The following AK9 variants were observed in gnomAD, a reference collection of about 807,000 sequenced individuals.
AK9 encodes the protein adenylate kinase domain containing 1.
A neutral mutation model predicts 239.6 loss-of-function variants in AK9; 191 were observed. That is an observed-to-expected ratio of 0.80 (90% CI 0.71 to 0.90). The LOEUF (loss-of-function observed/expected upper bound fraction) is 0.90. Among genes scored for constraint, AK9 ranks in the 40% least tolerant of loss-of-function variants. AK9 has a pLI of 0.00. For synonymous variants in AK9, 689 were observed against 721.0 expected, an observed-to-expected ratio of 0.96 and a Z score of 0.71; for missense variants, 1,995 against 2,214.7, an observed-to-expected ratio of 0.90 and a Z score of 1.99.
intron 15 of AK9, among the ~76,000 whole-genome samples, chr6:109,613,873 G>A (rs1366438506): frequency 4.6e-5 from 7 of 151,990 alleles, no homozygotes; most frequent in African/African-American, 1.7e-4. Flanking sequence ...ATTCCAATAC[G>A]TTAAAGTAGA....
chr6:109,505,154 T>C (rs1777985437), intron 35 of AK9, among the ~76,000 whole-genome samples: 1 of 152,220 alleles, frequency 6.6e-6, no homozygotes, highest in South Asian at 2.1e-4. Flanking sequence ...GAACCAGAAA[T>C]ACTGGTTATG....
Position 109,546,145 on chromosome 6 carries a change from TCAGGGA to T in AK9, c.2965-24_2965-19del. The T allele has an allele frequency of 1.5e-6, 1 of 689,132 alleles. No individual in the cohort carries two copies. The highest frequency in any genetic ancestry group is 2.4e-6 in the Non-Finnish European group (1 of 421,080). 42.7% of individuals were successfully genotyped at this position (689,132 alleles called of 1,614,324 possible). A position where few individuals can be genotyped will look rare whatever the true frequency, so the allele number is the denominator to read the frequency against. On this transcript the variant is annotated intron_variant, in intron 25 of 40. Coordinates refer to ENST00000424296, the MANE Select transcript of AK9 (RefSeq NM_001145128.3). ...GGAGGAGCCTGTCACAGGGGGTGGG[TCAGGGA>T]GGGGTGGGATAAAGGGAGAGTGAAG... is the stretch of plus-strand genomic sequence containing the variant.
Position 109,630,603 on chromosome 6 carries a change from AG to A in AK9, c.1254+2319del, listed in dbSNP as rs573176071. Among the ~76,000 whole-genome samples the A allele has an allele frequency of 2.9e-3, 439 of 152,280 alleles. 2 individuals carry two copies. Among genetic ancestry groups the A allele is most frequent in the African/African-American group, 0.01 (426 of 41,562 alleles). ...ACACTTGTAATCCCAGTGCTTTGGG[AG>A]GCTGAGGCAGGAGGATCATTTGAGG... On this transcript the variant is annotated intron_variant, in intron 12 of 40. Coordinates refer to ENST00000424296, the MANE Select transcript of AK9 (RefSeq NM_001145128.3).
chr6:109,605,243 C>T (rs1028269986), intron 17 of AK9, among the ~76,000 whole-genome samples: 1 of 152,064 alleles, frequency 6.6e-6, no homozygotes, highest in Admixed American at 6.5e-5. Flanking sequence ...TGAGAACAGT[C>T]TGGGCAACAT....
intron 32 of AK9, among the ~76,000 whole-genome samples, chr6:109,513,728 G>T (rs1778981929): frequency 6.6e-6 from 1 of 152,142 alleles, no homozygotes. Context: ...AAGTCACATA[G>T]CAGTAGTTAC....
At chr6:109,631,588 G>C (rs1208839711) in intron 12 of AK9, 1 of 152,132 alleles carries the variant, frequency 6.6e-6, no homozygotes, top group Non-Finnish European at 1.5e-5. Flanking sequence ...ATAGTATTGT[G>C]AAATAATGGA....
rs557408893 is a variant in AK9, at chr6:109,541,937, A to G, written c.3350+110T>C. 1.7e-4 allele frequency: 167 copies of G among 977,676 alleles called. 2 individuals are homozygous for G. In the South Asian group the frequency reaches 3.2e-3, roughly 19 times the overall value. 60.6% of individuals were successfully genotyped at this position (977,676 alleles called of 1,614,324 possible). ...CTCAAGTGAAAAATCACCAGCTTAC[A>G]TGAATATAAAGGAGAAAGTTCTTAA... On this transcript the variant is annotated intron_variant, in intron 27 of 40. Transcript: ENST00000424296.
At position 109,632,193 on chromosome 6, in the gene AK9, T is replaced by A. The variant is rs941559356; in HGVS notation, c.1254+730A>T. The A allele has an allele frequency of 3.0e-6, 3 of 985,302 alleles. No homozygotes were observed. The African/African-American group carries it at 5.2e-5, about 17-fold the overall frequency. 61.0% of individuals were successfully genotyped at this position (985,302 alleles called of 1,614,324 possible). On this transcript the variant is annotated intron_variant, in intron 12 of 40. Coordinates refer to ENST00000424296, the MANE Select transcript of AK9 (RefSeq NM_001145128.3). ...TCACAATGAAAAAGTTAAAAGCAAA[T>A]AGAAAATGATACTCCGGCGCTTAAA... is the stretch of plus-strand genomic sequence containing the variant.
chr6:109,559,199 C>T (rs183389790), intron 24 of AK9, among the ~76,000 whole-genome samples: 4 of 147,126 alleles, frequency 2.7e-5, no homozygotes, highest in African/African-American at 7.5e-5. Context: ...GATGGGGTCT[C>T]TCTCTGTCGC....
chr6:109,567,099 T>C (rs1158174836), intron 21 of AK9, among the ~76,000 whole-genome samples: 1 of 151,564 alleles, frequency 6.6e-6, no homozygotes, highest in Non-Finnish European at 1.5e-5. Flanking sequence ...CTGAAGGAGA[T>C]AGAGACATAA....
intron 17 of AK9, among the ~76,000 whole-genome samples, chr6:109,608,393 CA>C (rs1190208162): frequency 6.6e-6 from 1 of 151,416 alleles, no homozygotes; most frequent in Non-Finnish European, 1.5e-5. Flanking sequence ...CATATATGGC[CA>C]CTTGATATAT....
rs372946740 is a variant in AK9 at position 109,546,116 on chromosome 6, T to C, written c.2976A>G (p.Leu992=). 7 of 1,500,170 alleles carry C rather than the reference T, an allele frequency of 4.7e-6. No individual in the cohort carries two copies. The South Asian group carries it at 5.7e-5, about 12-fold the overall frequency. 92.9% of individuals were successfully genotyped at this position (1,500,170 alleles called of 1,614,324 possible). ...AHEEPLKAPP[L]RICLVGPQGS... is the part of the protein sequence containing the mutation. ...CCTGGGGGCCGACAAGGCATATTCTTAATGGAGGAGCCTGTCACAGGGGGT... is the reference window on the plus strand; with the variant it reads ...CCTGGGGGCCGACAAGGCATATTCTCAATGGAGGAGCCTGTCACAGGGGGT... Residue 992 remains leucine (L), a synonymous_variant, in exon 26 of 41, where the codon TTA becomes TTG. Coordinates refer to ENST00000424296, the MANE Select transcript of AK9 (RefSeq NM_001145128.3).
At chr6:109,614,664 G>A (rs1440029686) in intron 13 of AK9, among the ~76,000 whole-genome samples, 184 bp from the exon 14 acceptor site, 2 of 152,164 alleles carry the variant, frequency 1.3e-5, no homozygotes, top group Non-Finnish European at 2.9e-5. Flanking sequence ...TAGGCAAAAT[G>A]AGGATCTTTA....
Position 109,683,674 on chromosome 6 carries a change from T to A in AK9, c.-12+7473A>T, listed in dbSNP as rs912697128. Among the ~76,000 whole-genome samples, 4 of 152,270 alleles carry A rather than the reference T, an allele frequency of 2.6e-5. 1 individual carries two copies. The East Asian group carries it at 7.7e-4, about 29-fold the overall frequency. On this transcript the variant is annotated intron_variant, in intron 1 of 40. Transcript: ENST00000424296. Reference sequence around the variant, plus strand: ...ATTGCTACAAAGAGAATAAAATACCTAGGAATACAACTTACAAGAAATGTG... The same window carrying A: ...ATTGCTACAAAGAGAATAAAATACCAAGGAATACAACTTACAAGAAATGTG...
At chr6:109,691,122 G>A in intron 1 of AK9, 25 bp downstream of exon 1, 3 of 507,510 alleles carry the variant, frequency 5.9e-6, no homozygotes, top group South Asian at 2.6e-5. Flanking sequence ...CTTTTTCTCC[G>A]CCCATGTTTT....
At position 109,619,088 on chromosome 6, in the gene AK9, T is replaced by C; in HGVS notation, c.1399+4A>G. On this transcript the variant is annotated splice_donor_region_variant and intron_variant, in intron 13 of 40. Coordinates refer to ENST00000424296, the MANE Select transcript of AK9 (RefSeq NM_001145128.3). The stretch of plus-strand genomic sequence containing the variant: ...AAAACACACATTTTAAAAAGATGTT[T>C]CACCTTGTTTTCTAGCTTGCAGTTC... The C allele has an allele frequency of 6.5e-7, 1 of 1,531,472 alleles. No homozygotes were observed. Among genetic ancestry groups the C allele is most frequent in the African/African-American group, 1.4e-5 (1 of 71,554 alleles). 94.9% of individuals were successfully genotyped at this position (1,531,472 alleles called of 1,614,324 possible).
intron 35 of AK9, among the ~76,000 whole-genome samples, chr6:109,500,073 A>ACACACACACACACACAC (rs1777457775): frequency 6.7e-6 from 1 of 149,776 alleles, no homozygotes; most frequent in East Asian, 1.9e-4. Context: ...ACACACACAC[A>ACACACACACACACACAC]ATTTATACCT....
intron 9 of AK9, among the ~76,000 whole-genome samples, chr6:109,644,246 T>C (rs949469330): frequency 1.3e-5 from 2 of 152,238 alleles, no homozygotes; most frequent in East Asian, 3.8e-4. Context: ...TTATTATTTG[T>C]TTTATGTTTG....
At chr6:109,644,463 A>C (rs1797794515) in intron 9 of AK9, 151 bp downstream of exon 9, 1 of 560,220 alleles carries the variant, frequency 1.8e-6, no homozygotes, top group African/African-American at 2.0e-5. Context: ...GAATAAACAG[A>C]ACATCAAAAT....
Sources: gnomAD v4.1 joint callset for allele counts (sites outside exome capture counted in the v4.1 genomes callset) on GRCh38, gnomAD v4.1.1 for gene constraint, MANE v1.5 for transcripts, NCBI Gene and HGNC (gene_info 2026-07-23, HGNC 2026-07-21) for gene names.